The following CC2D2B variants were observed in gnomAD, a reference collection of about 807,000 sequenced individuals.
The protein encoded by CC2D2B is protein CC2D2B.
In CC2D2B, 128 loss-of-function variants were observed where a neutral mutation model predicts 161.2. That is an observed-to-expected ratio of 0.79 (90% CI 0.69 to 0.92). The LOEUF (loss-of-function observed/expected upper bound fraction) is 0.92, where lower values mean the gene tolerates loss of function less well. Among genes scored for constraint, CC2D2B ranks in the 40% least tolerant of loss-of-function variants. CC2D2B has a pLI of 0.00. For synonymous variants in CC2D2B, 391 were observed against 449.8 expected (o/e 0.87, Z 1.65); for missense variants, 1,173 against 1,375.1 (o/e 0.85, Z 2.32).
At chr10:95,934,914 A>G (rs1392113268) in intron 6 of CC2D2B, among the ~76,000 whole-genome samples, 2 of 152,084 alleles carry the variant, frequency 1.3e-5, no homozygotes, top group African/African-American at 4.8e-5. Flanking sequence ...TCTGTCACCC[A>G]GGCTGGAGTG....
intron 19 of CC2D2B, among the ~76,000 whole-genome samples, 171 bp downstream of exon 19, chr10:95,983,980 T>C (rs915806655): frequency 6.6e-6 from 1 of 152,210 alleles, no homozygotes; most frequent in Non-Finnish European, 1.5e-5. Flanking sequence ...CCAGAAATTC[T>C]TCAGCTTGAC....
intron 2 of CC2D2B, among the ~76,000 whole-genome samples, chr10:95,913,105 C>G (rs1590298392): frequency 6.6e-6 from 1 of 151,738 alleles, no homozygotes; most frequent in Admixed American, 6.6e-5. Flanking sequence ...CCCTGCCCCC[C>G]ACCCAATACC....
chr10:95,920,294 A>G (rs2098524364), intron 2 of CC2D2B: 1 of 155,398 alleles, frequency 6.4e-6, no homozygotes. Context: ...AGGCCTCAGG[A>G]AACTTAGAAT....
intron 3 of CC2D2B, 77 bp downstream of exon 3, chr10:95,922,153 GGGT>G: frequency 1.3e-6 from 1 of 779,082 alleles, no homozygotes; most frequent in Non-Finnish European, 2.0e-6. Flanking sequence ...TCCTGTGCCA[GGGT>G]TTCAGCTGGG....
chr10:96,025,185 A>ATATAT lies in CC2D2B; in HGVS notation c.3947+274_3947+275insTATAT, dbSNP rs1491443122. 7.0e-3 allele frequency among the ~76,000 whole-genome samples: 114 copies of ATATAT among 16,258 alleles called. 2 individuals carry two copies. The highest frequency in any genetic ancestry group is 0.016 in the South Asian group (10 of 626). 10.7% of individuals were successfully genotyped at this position (16,258 alleles called of 152,430 possible). A position where few individuals can be genotyped will look rare whatever the true frequency, so the allele number is the denominator to read the frequency against. On this transcript the variant is annotated intron_variant, in intron 33 of 34. Transcript: ENST00000646931. ...TATATATATATATATATATATATATAAAAAAAAATATATATATATATATAT... is the reference window on the plus strand; with the variant it reads ...TATATATATATATATATATATATATATATATAAAAAAAATATATATATATATATAT...
intron 3 of CC2D2B, among the ~76,000 whole-genome samples, chr10:95,923,912 T>C (rs536446235): frequency 1.3e-5 from 2 of 152,078 alleles, no homozygotes; most frequent in South Asian, 4.2e-4. Context: ...TCCCAGCCAC[T>C]CAGGAGGCTG....
intron 16 of CC2D2B, 69 bp from the exon 17 acceptor site, chr10:95,973,940 A>G (rs943597626): frequency 3.2e-5 from 30 of 924,232 alleles, no homozygotes; most frequent in Non-Finnish European, 1.4e-6. Flanking sequence ...AAAACTCAGG[A>G]AAAAACCCAC....
At chr10:95,988,381 T>C in intron 20 of CC2D2B, 39 bp downstream of exon 20, 1 of 974,462 alleles carries the variant, frequency 1.0e-6, no homozygotes, top group Non-Finnish European at 1.3e-6. Flanking sequence ...GCATTTGTTT[T>C]TGTGAAAACT....
chr10:95,920,865 T>A (rs4290160), intron 2 of CC2D2B: 42,675 of 152,160 alleles, frequency 0.28, 6,578 homozygotes, highest in African/African-American at 0.41. Flanking sequence ...GAGTGGGGGC[T>A]TTAGGACTCT....
chr10:96,032,607 A>C lies in CC2D2B; in HGVS notation c.*599A>C, dbSNP rs1428668217. ...ATGGAAGCTGCTCGAGTGGAAAACT[A>C]AGGTCATTGCCTCTCATGGATAAAA... On this transcript the variant is annotated 3_prime_UTR_variant, in exon 35 of 35. Coordinates refer to ENST00000646931, the MANE Select transcript of CC2D2B (RefSeq NM_001349008.3). The C allele has an allele frequency of 6.1e-6, 2 of 329,844 alleles. No individual in the cohort carries two copies. The highest frequency in any genetic ancestry group is 1.5e-4 in the East Asian group (2 of 12,922). 20.4% of individuals were successfully genotyped at this position (329,844 alleles called of 1,614,324 possible). A position where few individuals can be genotyped will look rare whatever the true frequency, so the allele number is the denominator to read the frequency against.
At chr10:95,909,207 G>T (rs1487786223) in intron 1 of CC2D2B, among the ~76,000 whole-genome samples, 1 of 152,200 alleles carries the variant, frequency 6.6e-6, no homozygotes, top group African/African-American at 2.4e-5. Flanking sequence ...ATACATGGAA[G>T]TCATAATGTT....
At chr10:96,003,773 A>G (rs2141798665) in intron 24 of CC2D2B, among the ~76,000 whole-genome samples, 1 of 152,288 alleles carries the variant, frequency 6.6e-6, no homozygotes, top group East Asian at 1.9e-4. Flanking sequence ...CTGTATTTAA[A>G]GTCATATCTA....
intron 17 of CC2D2B, among the ~76,000 whole-genome samples, chr10:95,975,142 G>A (rs1460730944): frequency 6.6e-6 from 1 of 152,242 alleles, no homozygotes; most frequent in South Asian, 2.1e-4. Context: ...CAATTTTGCT[G>A]CAAATCTAAA....
intron 2 of CC2D2B, among the ~76,000 whole-genome samples, chr10:95,912,874 TA>T (rs2098508956): frequency 6.6e-6 from 1 of 152,178 alleles, no homozygotes; most frequent in Non-Finnish European, 1.5e-5. Flanking sequence ...GTACATGAGA[TA>T]TTTTTATACA....
At chr10:95,997,008 G>A (rs905436396) in intron 24 of CC2D2B, among the ~76,000 whole-genome samples, 4 of 152,152 alleles carry the variant, frequency 2.6e-5, no homozygotes, top group South Asian at 2.1e-4. Flanking sequence ...CTTCCACTAT[G>A]TGAAGACACA....
Position 96,019,720 on chromosome 10 carries a change from C to T in CC2D2B, c.3784C>T (p.Gln1262Ter). The T allele has an allele frequency of 6.3e-7, 1 of 1,593,120 alleles. No individual in the cohort carries two copies. The highest frequency in any genetic ancestry group is 1.2e-5 in the South Asian group (1 of 86,946). Residue 1262 changes from glutamine (Q) to a stop codon, truncating the protein, a stop_gained, in exon 32 of 35, where the codon CAA (glutamine) becomes TAA (stop). Transcript: ENST00000646931. LOFTEE classifies it high-confidence loss of function. ...DDRNVWFNIQ[Q>*]NNTPMAVFFD... ...TTCATAGGTCTGGTTTAATATTCAACAAAATAATACACCAATGGCTGTATT... is the reference window on the plus strand; with the variant it reads ...TTCATAGGTCTGGTTTAATATTCAATAAAATAATACACCAATGGCTGTATT...
At chr10:95,952,223 G>A (rs1017918359) in intron 10 of CC2D2B, 1 of 152,200 alleles carries the variant, frequency 6.6e-6, no homozygotes. Context: ...CTTTATATGA[G>A]TATGACTTCC....
intron 2 of CC2D2B, chr10:95,919,040 A>G (rs1371243225): frequency 6.6e-6 from 1 of 152,004 alleles, no homozygotes; most frequent in Non-Finnish European, 1.5e-5. Context: ...CTTGGATTTC[A>G]CTGAGCTTCT....
chr10:95,944,446 T>C (rs574730702), intron 9 of CC2D2B, among the ~76,000 whole-genome samples: 15 of 152,322 alleles, frequency 9.8e-5, no homozygotes, highest in African/African-American at 3.4e-4. Context: ...CCCTGCTATT[T>C]ATCTTATTCT....
Sources: gnomAD v4.1 joint callset for allele counts (sites outside exome capture counted in the v4.1 genomes callset) on GRCh38, gnomAD v4.1.1 for gene constraint, MANE v1.5 for transcripts, NCBI Gene and HGNC (gene_info 2026-07-23, HGNC 2026-07-21) for gene names.